Variants in RPH3A observed in about 807,000 individuals in gnomAD.
RPH3A encodes the protein rabphilin-3A.
A neutral mutation model predicts 102.2 loss-of-function variants in RPH3A; 48 were observed. The ratio of observed to expected loss-of-function variants is 0.47; its 90% CI spans 0.37 to 0.60. The LOEUF is 0.60. Among genes scored for constraint, RPH3A ranks in the 20% least tolerant of loss-of-function variants. RPH3A has a pLI of 0.00. For missense variants in RPH3A, 781 were observed against 910.1 expected (o/e 0.86, Z 1.83); for synonymous variants, 310 against 324.3 (o/e 0.96, Z 0.47).
At chr12:112,612,466 G>GAAA (rs1340971210) in intron 1 of RPH3A, among the ~76,000 whole-genome samples, 2 of 152,002 alleles carry the variant, frequency 1.3e-5, no homozygotes, top group African/African-American at 4.8e-5. Context: ...CTGTGATTGG[G>GAAA]GTTCTCTTTT....
intron 3 of RPH3A, 134 bp downstream of exon 3, chr12:112,828,523 T>A: frequency 1.6e-6 from 1 of 640,486 alleles, no homozygotes; most frequent in Non-Finnish European, 2.7e-6. Flanking sequence ...AGTTTAGTCA[T>A]GAAAACATCT....
chr12:112,724,367 TA>T (rs1434015386), intron 1 of RPH3A, among the ~76,000 whole-genome samples: 1 of 152,186 alleles, frequency 6.6e-6, no homozygotes, highest in African/African-American at 2.4e-5. Context: ...GGCTGGCCAA[TA>T]TTTTTTTAAT....
At chr12:112,736,237 T>G (rs1399844959) in intron 1 of RPH3A, among the ~76,000 whole-genome samples, 1 of 152,164 alleles carries the variant, frequency 6.6e-6, no homozygotes, top group Non-Finnish European at 1.5e-5. Flanking sequence ...CCCCCACCAG[T>G]TGTGACAACT....
At chr12:112,670,100 T>C (rs2040116966) in intron 1 of RPH3A, among the ~76,000 whole-genome samples, 1 of 152,212 alleles carries the variant, frequency 6.6e-6, no homozygotes, top group Non-Finnish European at 1.5e-5. Flanking sequence ...ATTTAAAATG[T>C]TAGACATTGC....
At chr12:112,691,671 C>A (rs1206049927) in intron 1 of RPH3A, among the ~76,000 whole-genome samples, 3 of 152,148 alleles carry the variant, frequency 2.0e-5, no homozygotes, top group Non-Finnish European at 4.4e-5. Context: ...TCTTCACCTG[C>A]AAAATGAGAA....
At chr12:112,658,365 C>T (rs543215416) in intron 1 of RPH3A, among the ~76,000 whole-genome samples, 14 of 152,040 alleles carry the variant, frequency 9.2e-5, no homozygotes, top group East Asian at 5.8e-4. Context: ...TTAGTAGAGA[C>T]GGGGTTTTGT....
intron 1 of RPH3A, among the ~76,000 whole-genome samples, chr12:112,595,846 A>G (rs999888147): frequency 1.3e-5 from 2 of 152,182 alleles, no homozygotes; most frequent in African/African-American, 4.8e-5. Flanking sequence ...CACGATACCA[A>G]TGCTAACTGA....
chr12:112,795,068 A>G (rs1314157553), intron 2 of RPH3A, among the ~76,000 whole-genome samples: 3 of 152,184 alleles, frequency 2.0e-5, no homozygotes, highest in African/African-American at 7.2e-5. Flanking sequence ...TGCTCCGTAC[A>G]CAGACTGGCT....
At chr12:112,696,373 T>C (rs1027960763) in intron 1 of RPH3A, among the ~76,000 whole-genome samples, 1 of 152,212 alleles carries the variant, frequency 6.6e-6, no homozygotes, top group Non-Finnish European at 1.5e-5. Flanking sequence ...CTGGATAGAA[T>C]GATAGATCTG....
chr12:112,795,823 G>A (rs537415129), intron 2 of RPH3A, among the ~76,000 whole-genome samples: 1 of 152,296 alleles, frequency 6.6e-6, no homozygotes, highest in Non-Finnish European at 1.5e-5. Context: ...AATTTTAAGA[G>A]TTAATGATCA....
At chr12:112,821,375 C>A (rs981475827) in intron 2 of RPH3A, among the ~76,000 whole-genome samples, 1 of 152,188 alleles carries the variant, frequency 6.6e-6, no homozygotes, top group African/African-American at 2.4e-5. Flanking sequence ...TCTCTCAGGC[C>A]AGAAGTTTAC....
rs529826755 is a variant in RPH3A at position 112,712,925 on chromosome 12, CTCTTCTTCTTCTTCT to C, written c.-139-79192_-139-79178del. On this transcript the variant is annotated intron_variant, in intron 1 of 21. Coordinates refer to the RPH3A transcript ENST00000543106. ...CTTCCTCTTCTTCTTCTTCTTCTTCCTCTTCTTCTTCTTCTTCTTCTTCTTCTTCTTCTTCTTCTT... is the reference window on the plus strand; with the variant it reads ...CTTCCTCTTCTTCTTCTTCTTCTTCCTCTTCTTCTTCTTCTTCTTCTTCTT... Among the ~76,000 whole-genome samples, 212 of 94,574 alleles carry C rather than the reference CTCTTCTTCTTCTTCT, an allele frequency of 2.2e-3. 5 individuals are homozygous for C. Among genetic ancestry groups the C allele is most frequent in the Non-Finnish European group, 2.2e-3 (107 of 48,920 alleles). 62.0% of individuals were successfully genotyped at this position (94,574 alleles called of 152,430 possible).
At chr12:112,589,964 T>C (rs2039465514) in intron 1 of RPH3A, among the ~76,000 whole-genome samples, 1 of 151,624 alleles carries the variant, frequency 6.6e-6, no homozygotes, top group Non-Finnish European at 1.5e-5. Context: ...ACACCTGTAA[T>C]CCCAGCTACT....
Position 112,582,368 on chromosome 12 carries a change from G to A in RPH3A, c.-140+7049G>A, listed in dbSNP as rs550952299. ...TTGAGCAATTCTCCCACATCCGCCT[G>A]CCAAAGTGATAGGATTATAGGCATG... On this transcript the variant is annotated intron_variant, in intron 1 of 21. Coordinates refer to the RPH3A transcript ENST00000543106. Among the ~76,000 whole-genome samples the A allele has an allele frequency of 2.0e-4, 29 of 147,030 alleles. 2 individuals are homozygous for A. The highest frequency in any genetic ancestry group is 2.8e-4 in the African/African-American group (11 of 39,626).
chr12:112,669,456 T>G (rs1278715621), intron 1 of RPH3A, among the ~76,000 whole-genome samples: 1 of 152,242 alleles, frequency 6.6e-6, no homozygotes, highest in Non-Finnish European at 1.5e-5. Flanking sequence ...CTGCTCATTG[T>G]GGCCATGAAT....
chr12:112,704,416 A>G (rs1301835627), intron 1 of RPH3A, among the ~76,000 whole-genome samples: 1 of 151,934 alleles, frequency 6.6e-6, no homozygotes, highest in Non-Finnish European at 1.5e-5. Context: ...GTGCAGATCT[A>G]TGGTGCTGGG....
In RPH3A at chr12:112,657,216, G is replaced by A. The variant is rs138422278; in HGVS notation, c.-140+81897G>A. Among the ~76,000 whole-genome samples, 164 of 151,976 alleles carry A rather than the reference G, an allele frequency of 1.1e-3. 1 individual carries two copies. Among genetic ancestry groups the A allele is most frequent in the African/African-American group, 3.7e-3 (155 of 41,498 alleles). ...AGTGATGTTGAGCATTTTTTCATAT[G>A]TTTGTTGGCCACTTGTATGTCTTCT... On this transcript the variant is annotated intron_variant, in intron 1 of 21. Coordinates refer to the RPH3A transcript ENST00000543106.
rs547701640 is a variant in RPH3A at position 112,581,947 on chromosome 12, A to G, written c.-140+6628A>G. 2.6e-4 allele frequency among the ~76,000 whole-genome samples: 38 copies of G among 147,938 alleles called. 4 individuals carry two copies. Among genetic ancestry groups the G allele is most frequent in the Non-Finnish European group, 5.1e-4 (34 of 67,122 alleles). On this transcript the variant is annotated intron_variant, in intron 1 of 21. Coordinates refer to the RPH3A transcript ENST00000543106. ...ACCTCTAATGTTTTTCCCAGATCTAAGATTCCTTGACACACCTACCAACAA... is the reference window on the plus strand; with the variant it reads ...ACCTCTAATGTTTTTCCCAGATCTAGGATTCCTTGACACACCTACCAACAA...
chr12:112,659,387 C>T (rs143689198), intron 1 of RPH3A, among the ~76,000 whole-genome samples: 156 of 152,260 alleles, frequency 1.0e-3, no homozygotes, highest in African/African-American at 3.4e-3. Flanking sequence ...AGATTATGGG[C>T]CAGTTTTCTG....
Sources: allele counts gnomAD v4.1 joint callset (sites outside exome capture counted in the v4.1 genomes callset), GRCh38; gene constraint gnomAD v4.1.1; transcripts MANE v1.5; gene names NCBI Gene and HGNC (gene_info 2026-07-23, HGNC 2026-07-21).